SDK1: variants seen among roughly 807,000 people sequenced by gnomAD.
The protein encoded by SDK1 is sidekick cell adhesion molecule 1, also known as protein sidekick-1.
In SDK1, 157 loss-of-function variants were observed where a neutral mutation model predicts 245.5. The observed-to-expected ratio is 0.64, with a 90% confidence interval of 0.56 to 0.73. SDK1 has a LOEUF of 0.73. Ranked by LOEUF, SDK1 falls within the 30% of genes least tolerant of loss-of-function variation. The pLI, the probability that SDK1 is intolerant of heterozygous loss-of-function variation, is 0.00. For synonymous variants in SDK1, 1,647 were observed against 1,278.5 expected (o/e 1.29, Z -6.15); for missense variants, 3,583 against 3,002.3 (o/e 1.19, Z -4.52).
At chr7:3,355,598 T>A (rs1307200751) in intron 1 of SDK1, among the ~76,000 whole-genome samples, 1 of 152,166 alleles carries the variant, frequency 6.6e-6, no homozygotes, top group African/African-American at 2.4e-5. Context: ...CCCTGTTCCC[T>A]CCATCTTCAC....
intron 4 of SDK1, among the ~76,000 whole-genome samples, chr7:3,815,968 A>T (rs1022449978): frequency 5.6e-5 from 8 of 143,512 alleles, no homozygotes; most frequent in African/African-American, 2.2e-4. Flanking sequence ...ACTACATGGA[A>T]ACTGAACAAC....
chr7:3,485,764 C>T (rs1327621753), intron 1 of SDK1, among the ~76,000 whole-genome samples: 2 of 122,948 alleles, frequency 1.6e-5, no homozygotes, highest in Non-Finnish European at 3.3e-5. Context: ...AAAAATGTTC[C>T]ATCTATATTC....
At chr7:3,420,275 A>T (rs1413926636) in intron 1 of SDK1, among the ~76,000 whole-genome samples, 2 of 152,222 alleles carry the variant, frequency 1.3e-5, no homozygotes, top group African/African-American at 2.4e-5. Flanking sequence ...AGTGTTGTTT[A>T]ACAGAAAAGA....
chr7:4,113,582 A>G, intron 24 of SDK1, 143 bp downstream of exon 24: 1 of 930,460 alleles, frequency 1.1e-6, no homozygotes, highest in Admixed American at 2.6e-5. Flanking sequence ...AAAGTATTGC[A>G]TTTTACAATT....
chr7:3,661,481 G>C lies in SDK1; in HGVS notation c.713+19376G>C, dbSNP rs77954937. Among the ~76,000 whole-genome samples the C allele has an allele frequency of 4.8e-3, 728 of 152,140 alleles. 3 individuals carry two copies. Among genetic ancestry groups the C allele is most frequent in the African/African-American group, 0.016 (680 of 41,502 alleles). ...AGTACCCCGCCTTCATCTATCACAC[G>C]CTATATGAATTTAAATAAGTTGTAA... On this transcript the variant is annotated intron_variant, in intron 4 of 44. Coordinates refer to ENST00000404826, the MANE Select transcript of SDK1 (RefSeq NM_152744.4).
At chr7:3,649,215 A>T (rs1662190739) in intron 4 of SDK1, among the ~76,000 whole-genome samples, 1 of 152,012 alleles carries the variant, frequency 6.6e-6, no homozygotes, top group African/African-American at 2.4e-5. Flanking sequence ...AGAGAGTCCT[A>T]AGCTGGAGGG....
chr7:3,381,964 C>T (rs925685539), intron 1 of SDK1, among the ~76,000 whole-genome samples: 2 of 152,138 alleles, frequency 1.3e-5, no homozygotes, highest in African/African-American at 4.8e-5. Flanking sequence ...TGCACAAAAG[C>T]AGTTAAAACT....
chr7:3,679,781 G>A (rs1185430071), intron 4 of SDK1, among the ~76,000 whole-genome samples: 6 of 152,314 alleles, frequency 3.9e-5, no homozygotes, highest in African/African-American at 1.4e-4. Flanking sequence ...AAAGAAATGG[G>A]ATCAGTCCTG....
In SDK1 at chr7:3,967,478, C is replaced by T. The variant is rs1212320835; in HGVS notation, c.1546+44C>T. On this transcript the variant is annotated intron_variant, in intron 10 of 44. Coordinates refer to ENST00000404826, the MANE Select transcript of SDK1 (RefSeq NM_152744.4). ...CCACAACAGCATGGCCCATGTAGAA[C>T]ATAACCTATCGGGCCAGTGCTTGCT... 4 of 1,198,428 alleles carry T rather than the reference C, an allele frequency of 3.3e-6. No individual in the cohort carries two copies. In the Admixed American group the frequency reaches 6.8e-5, roughly 20 times the overall value. The allele number at this position is 1,198,428 out of a possible 1,614,324, so 74.2% of individuals were successfully genotyped here. A position where few individuals can be genotyped will look rare whatever the true frequency, so the allele number is the denominator to read the frequency against.
intron 5 of SDK1, among the ~76,000 whole-genome samples, chr7:3,906,365 A>G (rs10951374): frequency 0.18 from 26,768 of 151,822 alleles, 2,497 homozygotes; most frequent in Middle Eastern, 0.3. Flanking sequence ...AATCTTTACA[A>G]TGGTGGCTGT....
chr7:3,374,856 T>C (rs574318469), intron 1 of SDK1, among the ~76,000 whole-genome samples: 6 of 152,274 alleles, frequency 3.9e-5, no homozygotes, highest in Admixed American at 2.0e-4. Context: ...GATTGTATGC[T>C]TTTTTTCCCA....
rs1454049443 is a variant in SDK1 at position 4,267,104 on chromosome 7, T to C, written c.*1720T>C. ...TGGCCCCAGGAGACCAAGGAGAGTT[T>C]TGTATAGGCTGGAAAACCCCTTTTC... On this transcript the variant is annotated 3_prime_UTR_variant, in exon 45 of 45. Coordinates refer to ENST00000404826, the MANE Select transcript of SDK1 (RefSeq NM_152744.4). The C allele has an allele frequency of 6.1e-6, 6 of 985,336 alleles. No individual in the cohort carries two copies. The East Asian group carries it at 5.7e-4, about 93-fold the overall frequency. 61.0% of individuals were successfully genotyped at this position (985,336 alleles called of 1,614,324 possible).
At chr7:4,023,327 A>T (rs1290458132) in intron 17 of SDK1, among the ~76,000 whole-genome samples, 1 of 152,172 alleles carries the variant, frequency 6.6e-6, no homozygotes, top group East Asian at 1.9e-4. Flanking sequence ...AAGGCATTTT[A>T]AAATGGGACA....
chr7:4,178,627 C>T lies in SDK1; in HGVS notation c.5098+41C>T, dbSNP rs201151347. 212 of 1,445,466 alleles carry T rather than the reference C, an allele frequency of 1.5e-4. No homozygotes were observed. In the African/African-American group the frequency reaches 2.7e-3, roughly 18 times the overall value. The allele number at this position is 1,445,466 out of a possible 1,614,324, so 89.5% of individuals were successfully genotyped here. The stretch of plus-strand genomic sequence containing the variant: ...CCCCAACCCCACTGCCAGAGAGGGC[C>T]ACAGTGGTGGGGACAGCCAGGCACG... On this transcript the variant is annotated intron_variant, in intron 35 of 44. Coordinates refer to ENST00000404826, the MANE Select transcript of SDK1 (RefSeq NM_152744.4).
chr7:4,146,374 CCTG>C (rs1272204681), intron 29 of SDK1, among the ~76,000 whole-genome samples: 1 of 150,714 alleles, frequency 6.6e-6, no homozygotes, highest in Non-Finnish European at 1.5e-5. Flanking sequence ...CTGCCTCACA[CCTG>C]CTCTCTCAGA....
chr7:3,336,448 C>T (rs896639347), intron 1 of SDK1, among the ~76,000 whole-genome samples: 2 of 152,136 alleles, frequency 1.3e-5, no homozygotes. Flanking sequence ...ATATCCAGCC[C>T]CCACCAGCCA....
chr7:4,037,227 C>T lies in SDK1; in HGVS notation c.2603-12121C>T, dbSNP rs145397352. Among the ~76,000 whole-genome samples, 964 of 152,336 alleles carry T rather than the reference C, an allele frequency of 6.3e-3. 10 individuals are homozygous for T. Among genetic ancestry groups the T allele is most frequent in the African/African-American group, 0.021 (872 of 41,570 alleles). On this transcript the variant is annotated intron_variant, in intron 17 of 44. Transcript: ENST00000404826. Reference sequence around the variant, plus strand: ...TCAGATGACCAAAGACGAACTTCATCTAGAAGATCATTAAATCGAACAAGC... The same window carrying T: ...TCAGATGACCAAAGACGAACTTCATTTAGAAGATCATTAAATCGAACAAGC...
At chr7:3,794,687 C>T (rs1212122123) in intron 4 of SDK1, among the ~76,000 whole-genome samples, 5 of 152,126 alleles carry the variant, frequency 3.3e-5, no homozygotes, top group Non-Finnish European at 5.9e-5. Flanking sequence ...AGATATAGTC[C>T]CTCGACCTTG....
At chr7:4,181,442 C>T (rs1251615944) in intron 35 of SDK1, among the ~76,000 whole-genome samples, 2 of 152,196 alleles carry the variant, frequency 1.3e-5, no homozygotes, top group Non-Finnish European at 2.9e-5. Flanking sequence ...AGAGCTGAGA[C>T]AGCCCAGGTG....
Sources: gnomAD v4.1 joint callset for allele counts (sites outside exome capture counted in the v4.1 genomes callset) on GRCh38, gnomAD v4.1.1 for gene constraint, MANE v1.5 for transcripts, NCBI Gene and HGNC (gene_info 2026-07-23, HGNC 2026-07-21) for gene names.